The following USP33 variants were observed in gnomAD, a reference collection of about 807,000 sequenced individuals.
The protein encoded by USP33 is ubiquitin carboxyl-terminal hydrolase 33.
In USP33, 46 loss-of-function variants were observed where a neutral mutation model predicts 124.2. The ratio of observed to expected loss-of-function variants is 0.37; its 90% CI spans 0.29 to 0.47. The LOEUF (loss-of-function observed/expected upper bound fraction) is 0.47, where lower values mean the gene tolerates loss of function less well. Among genes scored for constraint, USP33 ranks in the 20% least tolerant of loss-of-function variants. USP33 has a pLI of 0.99. For missense variants in USP33, 851 were observed against 1,070.6 expected (o/e 0.79, Z 2.86); for synonymous variants, 350 against 352.3 (o/e 0.99, Z 0.07).
intron 1 of USP33, among the ~76,000 whole-genome samples, chr1:77,747,311 G>A (rs1679844780): frequency 6.8e-6 from 1 of 148,088 alleles, no homozygotes; most frequent in Non-Finnish European, 1.5e-5. Flanking sequence ...GGGGAGTGCA[G>A]TGGCATGATC....
At position 77,735,966 on chromosome 1, in the gene USP33, T is replaced by C. The variant is rs1238557721; in HGVS notation, c.454+90A>G. On this transcript the variant is annotated intron_variant, in intron 6 of 23. Transcript: ENST00000370794. The stretch of plus-strand genomic sequence containing the variant: ...TTTGTTTTAATTATCAAGCCCATTT[T>C]ACCTCCACATTTTGAAACTTTTACA... 2 of 946,694 alleles carry C rather than the reference T, an allele frequency of 2.1e-6. 1 individual carries two copies. The highest frequency in any genetic ancestry group is 5.5e-5 in the East Asian group (2 of 36,056). 58.6% of individuals were successfully genotyped at this position (946,694 alleles called of 1,614,324 possible).
At chr1:77,719,745 C>T (rs1324646033) in intron 15 of USP33, among the ~76,000 whole-genome samples, 9 of 150,740 alleles carry the variant, frequency 6.0e-5, no homozygotes, top group Non-Finnish European at 1.2e-4. Context: ...CCCAGCTACT[C>T]AAGAGGCTGA....
At chr1:77,736,204 TA>T (rs941866397) in intron 5 of USP33, 46 bp from the exon 6 acceptor site, 6 of 1,350,108 alleles carry the variant, frequency 4.4e-6, no homozygotes, top group Admixed American at 2.1e-5. Flanking sequence ...TCCTTAAATT[TA>T]AAAAAAGTTT....
At chr1:77,724,487 A>C (rs907941560) in intron 11 of USP33, among the ~76,000 whole-genome samples, 1 of 152,158 alleles carries the variant, frequency 6.6e-6, no homozygotes, top group African/African-American at 2.4e-5. Flanking sequence ...GTTTTCTTCT[A>C]AGAAAACATA....
At chr1:77,718,553 T>TA in intron 16 of USP33, 43 bp downstream of exon 16, 1 of 1,450,064 alleles carries the variant, frequency 6.9e-7, no homozygotes, top group Non-Finnish European at 9.6e-7. Context: ...ATACTTTATG[T>TA]TCCTACCACA....
At chr1:77,699,887 A>G (rs1640846680) in intron 22 of USP33, among the ~76,000 whole-genome samples, 1 of 152,220 alleles carries the variant, frequency 6.6e-6, no homozygotes, top group Non-Finnish European at 1.5e-5. Flanking sequence ...ATCATGTCCT[A>G]TGCAGGGACA....
intron 21 of USP33, among the ~76,000 whole-genome samples, chr1:77,709,407 C>T (rs968479736): frequency 1.3e-5 from 2 of 151,920 alleles, no homozygotes; most frequent in Non-Finnish European, 2.9e-5. Flanking sequence ...CCTAGCTACT[C>T]GGGATGCTGA....
chr1:77,742,645 G>C (rs1679259031), intron 1 of USP33, among the ~76,000 whole-genome samples: 1 of 152,118 alleles, frequency 6.6e-6, no homozygotes, highest in African/African-American at 2.4e-5. Context: ...GGTATTCCTA[G>C]ATCTTTTGGT....
intron 15 of USP33, 115 bp downstream of exon 15, chr1:77,721,057 C>T: frequency 1.7e-6 from 2 of 1,158,844 alleles, no homozygotes; most frequent in Non-Finnish European, 2.5e-6. Context: ...CTAGGATAAA[C>T]CTTTCTGGCC....
chr1:77,752,813 C>G (rs1207776139), intron 1 of USP33, among the ~76,000 whole-genome samples: 2 of 152,046 alleles, frequency 1.3e-5, no homozygotes, highest in Non-Finnish European at 2.9e-5. Flanking sequence ...CGTGGTGGCT[C>G]ACACCTGTAA....
chr1:77,723,364 G>C lies in USP33; in HGVS notation c.1356C>G (p.Ile452Met). Reference sequence around the variant, plus strand: ...AAGTCAGACACTGCACTGAACTAATGATTGTTCCATCAAATATGTCTGAAA... The same window carrying C: ...AAGTCAGACACTGCACTGAACTAATCATTGTTCCATCAAATATGTCTGAAA... ...SVISDIFDGTIISSVQCLTCD... is the reference protein window; with the variant it reads ...SVISDIFDGTMISSVQCLTCD... Residue 452 changes from isoleucine (I) to methionine (M), a missense_variant, in exon 12 of 24, where the codon ATC becomes ATG. Physicochemically the swap from Ile to Met is conservative, Grantham distance 10 (BLOSUM62 1). Coordinates refer to ENST00000370794, the MANE Select transcript of USP33 (RefSeq NM_201624.3). 6.2e-7 allele frequency: 1 copy of C among 1,612,870 alleles called. No homozygotes were observed. Among genetic ancestry groups the C allele is most frequent in the Non-Finnish European group, 8.5e-7 (1 of 1,179,420 alleles).
intron 12 of USP33, 161 bp from the exon 13 acceptor site, chr1:77,722,357 G>C: frequency 3.2e-6 from 2 of 618,020 alleles, no homozygotes; most frequent in Non-Finnish European, 5.2e-6. Context: ...AGTCATAATA[G>C]CAAAAAAAAA....
At chr1:77,735,284 G>A (rs1678307815) in intron 6 of USP33, among the ~76,000 whole-genome samples, 1 of 152,030 alleles carries the variant, frequency 6.6e-6, no homozygotes, top group Admixed American at 6.6e-5. Context: ...ACTTTCATCA[G>A]TTTACTTTCA....
chr1:77,747,774 G>A (rs531870359), intron 1 of USP33, among the ~76,000 whole-genome samples: 1 of 152,120 alleles, frequency 6.6e-6, no homozygotes, highest in Admixed American at 6.6e-5. Context: ...ATAAGGCTTT[G>A]ATCCATCTGG....
intron 1 of USP33, among the ~76,000 whole-genome samples, chr1:77,744,997 T>C (rs981288706): frequency 2.0e-5 from 3 of 152,224 alleles, no homozygotes; most frequent in African/African-American, 4.8e-5. Context: ...TTCTGTCTCG[T>C]TGATCTGTCT....
chr1:77,703,771 T>G (rs1674303195), intron 21 of USP33, among the ~76,000 whole-genome samples: 1 of 152,022 alleles, frequency 6.6e-6, no homozygotes, highest in Non-Finnish European at 1.5e-5. Context: ...AAATATAAGC[T>G]CTGGCATGGC....
intron 6 of USP33, 152 bp from the exon 7 acceptor site, chr1:77,734,568 C>A (rs1279150322): frequency 3.6e-6 from 2 of 548,126 alleles, no homozygotes; most frequent in African/African-American, 2.0e-5. Flanking sequence ...CTTTGGGAAG[C>A]CTTACAATCA....
Position 77,711,834 on chromosome 1 carries a change from G to T in USP33, c.2319C>A (p.Val773=), listed in dbSNP as rs199958315. Residue 773 remains valine (V), a synonymous_variant, in exon 21 of 24, where the codon GTC becomes GTA. Coordinates refer to ENST00000370794, the MANE Select transcript of USP33 (RefSeq NM_201624.3). The part of the protein sequence containing the change: ...LYSRYGGGPA[V]NHLYICHTCQ... ...AAGTATGACAAATGTACAGATGGTT[G>T]ACAGCTGGTCCTCCACCATACCTAA... is the stretch of plus-strand genomic sequence containing the variant. 5.0e-6 allele frequency: 8 copies of T among 1,604,234 alleles called. No individual in the cohort carries two copies. The highest frequency in any genetic ancestry group is 6.8e-6 in the Non-Finnish European group (8 of 1,177,332).
intron 18 of USP33, 92 bp from the exon 19 acceptor site, chr1:77,714,875 T>A: frequency 2.4e-6 from 3 of 1,273,300 alleles, no homozygotes; most frequent in Non-Finnish European, 3.3e-6. Context: ...AACACACATA[T>A]TAACACTATC....
Sources: allele counts gnomAD v4.1 joint callset (sites outside exome capture counted in the v4.1 genomes callset), GRCh38; gene constraint gnomAD v4.1.1; transcripts MANE v1.5; gene names NCBI Gene and HGNC (gene_info 2026-07-23, HGNC 2026-07-21).